ATP10B: variants seen among roughly 807,000 people sequenced by gnomAD.
ATP10B encodes the protein ATPase phospholipid transporting 10B (putative).
ATP10B carries 122 observed loss-of-function variants against 141.2 expected under a neutral mutation model. The observed-to-expected ratio is 0.86, with a 90% confidence interval of 0.75 to 1.00. The LOEUF (loss-of-function observed/expected upper bound fraction) is 1.00. Ranked by LOEUF, ATP10B falls within the 50% of genes least tolerant of loss-of-function variation. The pLI is 0.00. For synonymous variants in ATP10B, 685 were observed against 692.0 expected (o/e 0.99, Z 0.16); for missense variants, 1,876 against 1,825.3 (o/e 1.03, Z -0.51).
intron 4 of ATP10B, 83 bp from the exon 5 acceptor site, chr5:160,688,177 G>C: frequency 7.1e-7 from 1 of 1,416,454 alleles, no homozygotes; most frequent in Admixed American, 2.4e-5. Flanking sequence ...TCCATGCAGG[G>C]TAGACACTGA....
At chr5:160,606,682 A>G (rs1194196046) in intron 19 of ATP10B, 83 bp downstream of exon 19, 2 of 1,393,296 alleles carry the variant, frequency 1.4e-6, no homozygotes, top group Non-Finnish European at 2.0e-6. Context: ...TCTGACTTTG[A>G]GACCTGACCT....
At chr5:160,594,856 A>G (rs919144283) in intron 22 of ATP10B, among the ~76,000 whole-genome samples, 1 of 152,228 alleles carries the variant, frequency 6.6e-6, no homozygotes, top group Non-Finnish European at 1.5e-5. Context: ...TCCTAAATAT[A>G]TATGCACCCA....
At chr5:160,850,593 G>A (rs753141511) in intron 1 of ATP10B, among the ~76,000 whole-genome samples, 7 of 152,196 alleles carry the variant, frequency 4.6e-5, no homozygotes, top group South Asian at 2.1e-4. Context: ...TCAGAGCTCC[G>A]TTCCTTTGAA....
intron 15 of ATP10B, among the ~76,000 whole-genome samples, chr5:160,619,372 G>A (rs531251580): frequency 6.6e-6 from 1 of 152,236 alleles, no homozygotes; most frequent in East Asian, 1.9e-4. Flanking sequence ...TTTCAATCAG[G>A]TGAGGAGCAA....
chr5:160,742,946 A>G (rs1172469950), intron 2 of ATP10B, among the ~76,000 whole-genome samples: 1 of 152,226 alleles, frequency 6.6e-6, no homozygotes, highest in Non-Finnish European at 1.5e-5. Context: ...ACCTCCAGAT[A>G]CTTTCAGCAG....
chr5:160,774,249 G>A (rs968757866), intron 2 of ATP10B, among the ~76,000 whole-genome samples: 14 of 152,182 alleles, frequency 9.2e-5, no homozygotes, highest in Non-Finnish European at 1.6e-4. Flanking sequence ...GACAGCTAAT[G>A]AGGACGGAGT....
Position 160,824,997 on chromosome 5 carries a change from CT to C in ATP10B, c.-576+26943del, listed in dbSNP as rs538024253. 8.6e-4 allele frequency among the ~76,000 whole-genome samples: 131 copies of C among 152,198 alleles called. 2 individuals carry two copies. The highest frequency in any genetic ancestry group is 2.9e-3 in the African/African-American group (119 of 41,522). ...AACATTTCCAGAGCATGTCAACTAG[CT>C]TTATGCTTTGCATTAAAGTTAACCA... On this transcript the variant is annotated intron_variant, in intron 1 of 25. Coordinates refer to ENST00000327245, the MANE Select transcript of ATP10B (RefSeq NM_025153.3).
At chr5:160,599,751 C>A (rs975153025) in intron 21 of ATP10B, among the ~76,000 whole-genome samples, 10 of 152,196 alleles carry the variant, frequency 6.6e-5, no homozygotes, top group Admixed American at 2.6e-4. Context: ...CACTCAAGAT[C>A]TCCTCTCTTG....
intron 7 of ATP10B, 109 bp from the exon 8 acceptor site, chr5:160,649,365 T>G: frequency 1.3e-6 from 1 of 772,502 alleles, no homozygotes; most frequent in East Asian, 2.7e-5. Context: ...AGGTAATCCA[T>G]GCTTTGTCAC....
intron 7 of ATP10B, 41 bp from the exon 8 acceptor site, chr5:160,649,297 G>A (rs764239754): frequency 3.4e-6 from 5 of 1,449,750 alleles, no homozygotes; most frequent in Admixed American, 1.7e-5. Context: ...AATTCAGAGG[G>A]ATCTAGTTTT....
chr5:160,680,293 T>C (rs1763292430), intron 6 of ATP10B, among the ~76,000 whole-genome samples: 1 of 149,696 alleles, frequency 6.7e-6, no homozygotes, highest in African/African-American at 2.4e-5. Flanking sequence ...TTATGTTGCT[T>C]CCCAGAAAAA....
the ATP10B span, among the ~76,000 whole-genome samples, chr5:160,880,634 C>T: frequency 1.3e-5 from 2 of 152,072 alleles, no homozygotes; most frequent in East Asian, 3.9e-4. Context: ...CCACATAAGA[C>T]CCATGTATAT....
chr5:160,645,232 A>G (rs1470372586), intron 8 of ATP10B, among the ~76,000 whole-genome samples: 2 of 152,178 alleles, frequency 1.3e-5, no homozygotes, highest in African/African-American at 4.8e-5. Flanking sequence ...ACAAAAGTGC[A>G]AGGGAACTGG....
chr5:160,752,142 C>A (rs1163005478), intron 2 of ATP10B, among the ~76,000 whole-genome samples: 1 of 147,350 alleles, frequency 6.8e-6, no homozygotes, highest in Non-Finnish European at 1.5e-5. Flanking sequence ...AAACCACAGC[C>A]AATTCAAACT....
At chr5:160,907,718 G>C in the ATP10B span, among the ~76,000 whole-genome samples, 18 of 152,304 alleles carry the variant, frequency 1.2e-4, no homozygotes, top group Middle Eastern at 3.4e-3. Context: ...TTGCAAAGTT[G>C]AGGAAACTGA....
intron 6 of ATP10B, among the ~76,000 whole-genome samples, chr5:160,681,070 A>T (rs1419839298): frequency 6.6e-6 from 1 of 152,090 alleles, no homozygotes; most frequent in African/African-American, 2.4e-5. Context: ...AACCATGCTG[A>T]TCACCCTCCT....
At chr5:160,688,139 G>A in intron 4 of ATP10B, 45 bp from the exon 5 acceptor site, 1 of 1,559,728 alleles carries the variant, frequency 6.4e-7, no homozygotes, top group Non-Finnish European at 8.7e-7. Flanking sequence ...GAAACGTGCA[G>A]CATGTTGGCC....
intron 6 of ATP10B, among the ~76,000 whole-genome samples, chr5:160,681,051 C>T (rs182945711): frequency 5.3e-5 from 8 of 152,258 alleles, no homozygotes; most frequent in East Asian, 1.9e-4. Context: ...GGATCTAGGA[C>T]GCTGATTGAA....
chr5:160,672,464 G>T (rs1323488136), intron 6 of ATP10B, among the ~76,000 whole-genome samples: 1 of 152,104 alleles, frequency 6.6e-6, no homozygotes, highest in Non-Finnish European at 1.5e-5. Context: ...AACTTTCCAG[G>T]TGCCCTCAAT....
Sources: allele counts gnomAD v4.1 joint callset (sites outside exome capture counted in the v4.1 genomes callset), GRCh38; gene constraint gnomAD v4.1.1; transcripts MANE v1.5; gene names NCBI Gene and HGNC (gene_info 2026-07-23, HGNC 2026-07-21).